TCF7L2: variants seen among roughly 807,000 people sequenced by gnomAD.
The protein encoded by TCF7L2 is transcription factor 7-like 2.
In TCF7L2, 23 loss-of-function variants were observed where a neutral mutation model predicts 77.9. The observed-to-expected ratio is 0.30, with a 90% CI of 0.21 to 0.42. The LOEUF (loss-of-function observed/expected upper bound fraction) is 0.42, where lower values mean the gene tolerates loss of function less well. Among genes scored for constraint, TCF7L2 ranks in the 10% least tolerant of loss-of-function variants. TCF7L2 has a pLI of 1.00. For synonymous variants in TCF7L2, 413 were observed against 340.2 expected (o/e 1.21, Z -2.36); for missense variants, 654 against 793.1 (o/e 0.82, Z 2.11).
intron 4 of TCF7L2, among the ~76,000 whole-genome samples, chr10:112,997,761 T>A (rs1453825446): frequency 2.0e-5 from 3 of 152,154 alleles, no homozygotes; most frequent in Non-Finnish European, 4.4e-5. Context: ...CAAGATTCCA[T>A]GTTGGTTTCT....
In TCF7L2 at chr10:112,951,487, C is replaced by A. The variant is rs1189579664; in HGVS notation, c.261C>A (p.Ala87=). 7.0e-7 allele frequency: 1 copy of A among 1,432,876 alleles called. No homozygotes were observed. The highest frequency in any genetic ancestry group is 9.3e-7 in the Non-Finnish European group (1 of 1,070,824). The allele number at this position is 1,432,876 out of a possible 1,614,324, so 88.8% of individuals were successfully genotyped here. A position where few individuals can be genotyped will look rare whatever the true frequency, so the allele number is the denominator to read the frequency against. ...CTCGCCGCCCCGCCATGTTAGCGGC[C>A]AAGAGGCAAGATGGAGGGCTCTTTA... The change falls in exon 3 of 14, where the codon GCC becomes GCA. Residue 87 remains alanine, a synonymous_variant. Transcript: ENST00000627217.
intron 4 of TCF7L2, among the ~76,000 whole-genome samples, chr10:112,966,210 A>ATATATATATATATATT (rs1554877072): frequency 2.8e-5 from 3 of 108,634 alleles, no homozygotes; most frequent in South Asian, 5.7e-4. Context: ...ATATATATAT[A>ATATATATATATATATT]TTTTCTTTTC....
chr10:113,006,844 G>T (rs1204977335), intron 4 of TCF7L2, among the ~76,000 whole-genome samples: 2 of 152,218 alleles, frequency 1.3e-5, no homozygotes, highest in East Asian at 3.9e-4. Context: ...TGTGCAGCTG[G>T]CCAGCCTCTG....
intron 11 of TCF7L2, among the ~76,000 whole-genome samples, chr10:113,157,123 G>GT (rs577107202): frequency 1.5e-3 from 233 of 152,140 alleles, no homozygotes; most frequent in African/African-American, 5.2e-3. Context: ...TTTGTTTTTT[G>GT]TTTTTTTGTT....
At chr10:112,997,519 CA>C (rs1453446496) in intron 4 of TCF7L2, among the ~76,000 whole-genome samples, 1 of 152,178 alleles carries the variant, frequency 6.6e-6, no homozygotes, top group African/African-American at 2.4e-5. Context: ...CATTCAGAAG[CA>C]GAAAGGGGGC....
intron 5 of TCF7L2, among the ~76,000 whole-genome samples, chr10:113,130,502 ATGCTAACTTTCTGT>A (rs1242864524): frequency 6.6e-6 from 1 of 152,194 alleles, no homozygotes; most frequent in African/African-American, 2.4e-5. Flanking sequence ...TTCATATTTA[ATGCTAACTTTCTGT>A]TGCTCCGTCT....
chr10:113,138,762 C>A (rs1302564150), intron 5 of TCF7L2, among the ~76,000 whole-genome samples: 1 of 152,138 alleles, frequency 6.6e-6, no homozygotes, highest in Non-Finnish European at 1.5e-5. Context: ...TGCCTGTGTG[C>A]GTGTGGTCCT....
At chr10:113,059,371 G>A (rs986712299) in intron 5 of TCF7L2, among the ~76,000 whole-genome samples, 1 of 150,586 alleles carries the variant, frequency 6.6e-6, no homozygotes, top group African/African-American at 2.5e-5. Context: ...GCAAAACCAT[G>A]CAAACATTGG....
At chr10:112,960,234 C>T (rs968922191) in intron 3 of TCF7L2, among the ~76,000 whole-genome samples, 4 of 152,014 alleles carry the variant, frequency 2.6e-5, no homozygotes, top group African/African-American at 7.3e-5. Context: ...TGATGTTTTG[C>T]ATATCAGAAA....
At position 113,151,274 on chromosome 10, in the gene TCF7L2, CAA is replaced by C. The variant is rs1190261006; in HGVS notation, c.1001+153_1001+154del. On this transcript the variant is annotated intron_variant, in intron 9 of 13. Transcript: ENST00000627217. This position sits in a 1 kb window ranked among gnomAD's most constrained non-coding sequence, Gnocchi z 5.2. The stretch of plus-strand genomic sequence containing the variant: ...CCTGTGTGGGCTCTTCACTCCCTTA[CAA>C]AGAGAGAGAGAGTGCACAGTGGCAG... 3 of 1,046,644 alleles carry C rather than the reference CAA, an allele frequency of 2.9e-6. No homozygotes were observed. Among genetic ancestry groups the C allele is most frequent in the Non-Finnish European group, 4.2e-6 (3 of 718,650 alleles). The allele number at this position is 1,046,644 out of a possible 1,614,324, so 64.8% of individuals were successfully genotyped here. A position where few individuals can be genotyped will look rare whatever the true frequency, so the allele number is the denominator to read the frequency against.
At position 113,096,679 on chromosome 10, in the gene TCF7L2, G is replaced by A. The variant is rs551857269; in HGVS notation, c.553-44505G>A. On this transcript the variant is annotated intron_variant, in intron 5 of 13. Coordinates refer to ENST00000627217, the MANE Select transcript of TCF7L2 (RefSeq NM_001146274.2). The stretch of plus-strand genomic sequence containing the variant: ...GGGGGCCAAAAATGAAAGAGGAGCA[G>A]CCACACCCTTTTAGATTCTGGCCAT... Among the ~76,000 whole-genome samples, 3 of 152,232 alleles carry A rather than the reference G, an allele frequency of 2.0e-5. No homozygotes were observed. In the South Asian group the frequency reaches 6.2e-4, roughly 32 times the overall value.
At chr10:113,084,910 CA>C (rs1166429283) in intron 5 of TCF7L2, among the ~76,000 whole-genome samples, 3,144 of 136,888 alleles carry the variant, frequency 0.023, 108 homozygotes, top group African/African-American at 0.079. Context: ...CACCCCCCCC[CA>C]AAAAAAAAAA....
chr10:113,121,543 T>A lies in TCF7L2; in HGVS notation c.553-19641T>A, dbSNP rs536247314. Among the ~76,000 whole-genome samples the A allele has an allele frequency of 9.2e-5, 14 of 152,274 alleles. No homozygotes were observed. In the South Asian group the frequency reaches 2.9e-3, roughly 32 times the overall value. On this transcript the variant is annotated intron_variant, in intron 5 of 13. Transcript: ENST00000627217. Reference sequence around the variant, plus strand: ...AATCAAGTGTTGACTTCTTTAGAATTGCAAGTAGGTTAAGTGAGTATCAAC... The same window carrying A: ...AATCAAGTGTTGACTTCTTTAGAATAGCAAGTAGGTTAAGTGAGTATCAAC...
At chr10:113,000,034 A>G (rs1182877989) in intron 4 of TCF7L2, among the ~76,000 whole-genome samples, 2 of 152,228 alleles carry the variant, frequency 1.3e-5, no homozygotes, top group African/African-American at 2.4e-5. Flanking sequence ...TTTAGGGGAC[A>G]CTGTCTAAGC....
At chr10:113,152,887 G>A (rs2071058019) in intron 11 of TCF7L2, among the ~76,000 whole-genome samples, 1 of 152,178 alleles carries the variant, frequency 6.6e-6, no homozygotes. Context: ...CTTTCAGCAG[G>A]CCCTTTACCG....
intron 5 of TCF7L2, among the ~76,000 whole-genome samples, chr10:113,113,324 A>G (rs988768360): frequency 6.6e-6 from 1 of 152,152 alleles, no homozygotes; most frequent in Non-Finnish European, 1.5e-5. Context: ...CTACATCAAC[A>G]ACTTATAACT....
Position 113,151,393 on chromosome 10 carries a change from A to G in TCF7L2, c.1001+270A>G, listed in dbSNP as rs947003753. On this transcript the variant is annotated intron_variant, in intron 9 of 13. Coordinates refer to ENST00000627217, the MANE Select transcript of TCF7L2 (RefSeq NM_001146274.2). This position sits in a 1 kb window ranked among gnomAD's most constrained non-coding sequence, Gnocchi z 5.2. ...ATTTGCAACCACTTCCCTGCCCCCT[A>G]ACCGCATCATTGAACATTTAGAGCT... Among the ~76,000 whole-genome samples the G allele has an allele frequency of 6.7e-6, 1 of 150,340 alleles. No individual in the cohort carries two copies. The highest frequency in any genetic ancestry group is 2.4e-5 in the African/African-American group (1 of 40,894).
intron 12 of TCF7L2, among the ~76,000 whole-genome samples, chr10:113,159,515 T>C: frequency 6.6e-6 from 1 of 152,132 alleles, no homozygotes; most frequent in African/African-American, 2.4e-5. Flanking sequence ...TCGCTTTATT[T>C]TCTTCTTTAA....
intron 4 of TCF7L2, among the ~76,000 whole-genome samples, chr10:113,038,006 T>G (rs1321769160): frequency 6.6e-6 from 1 of 152,164 alleles, no homozygotes; most frequent in Admixed American, 6.5e-5. Flanking sequence ...GCAGTTTAGA[T>G]TCCCAGAGCC....
Sources: allele counts gnomAD v4.1 joint callset (sites outside exome capture counted in the v4.1 genomes callset), GRCh38; gene constraint gnomAD v4.1.1; non-coding constraint Gnocchi (gnomAD v3.1); transcripts MANE v1.5; gene names NCBI Gene and HGNC (gene_info 2026-07-23, HGNC 2026-07-21).